The following AUP1 variants were observed in gnomAD, a reference collection of about 807,000 sequenced individuals.
AUP1 encodes the protein lipid droplet-regulating VLDL assembly factor AUP1.
In AUP1, 30 loss-of-function variants were observed where a neutral mutation model predicts 51.8. That is an observed-to-expected ratio of 0.58 (90% confidence interval 0.43 to 0.79). AUP1 has a LOEUF of 0.79. Among genes scored for constraint, AUP1 ranks in the 30% least tolerant of loss-of-function variants. The pLI, the probability that AUP1 is intolerant of heterozygous loss-of-function variation, is 0.00. For missense variants in AUP1, 492 were observed against 517.1 expected, an observed-to-expected ratio of 0.95 and a Z score of 0.47; for synonymous variants, 227 against 209.0, an observed-to-expected ratio of 1.09 and a Z score of -0.74.
intron 7 of AUP1, 51 bp from the exon 8 acceptor site, chr2:74,527,889 T>A: frequency 6.2e-7 from 1 of 1,613,556 alleles, no homozygotes; most frequent in Non-Finnish European, 8.5e-7. Context: ...CTTTCCTCCC[T>A]CTCCTCCTAA....
Position 74,529,242 on chromosome 2 carries a change from C to A in AUP1, c.229G>T (p.Ala77Ser). Residue 77 changes from alanine to serine, a missense_variant, in exon 3 of 12, where the codon GCC becomes TCC. Physicochemically the swap from Ala to Ser is moderately conservative, Grantham distance 99 (BLOSUM62 1). Transcript: ENST00000377526. ...CGGAGTCCGGAGTCCTCCTGCCGGGCCACGAGCCCTAGCACCGCACACATG... is the reference window on the plus strand; with the variant it reads ...CGGAGTCCGGAGTCCTCCTGCCGGGACACGAGCCCTAGCACCGCACACATG... ...RTMCAVLGLV[A>S]RQEDSGLRDH... 1.2e-6 allele frequency: 2 copies of A among 1,614,212 alleles called. No homozygotes were observed. The highest frequency in any genetic ancestry group is 2.2e-5 in the South Asian group (2 of 91,080).
rs370173846 is a variant in AUP1, at chr2:74,529,456, C to A, written c.94G>T (p.Ala32Ser). The change falls in exon 2 of 12, where the codon GCG (alanine) becomes TCG (serine). Residue 32 changes from alanine to serine, a missense_variant. By Grantham distance (99) the Ala-to-Ser change is moderately conservative. Transcript: ENST00000377526. ...CFLLLVLLLYAPVGFCLLVLR... is the reference protein window; with the variant it reads ...CFLLLVLLLYSPVGFCLLVLR... ...ACGAGGAGGCAGAACCCGACTGGCG[C>A]GTAGAGCAGCAGCACGAGCAGTAGG... 1.1e-4 allele frequency: 174 copies of A among 1,564,938 alleles called. No homozygotes were observed. Among genetic ancestry groups the A allele is most frequent in the Middle Eastern group, 3.3e-4 (2 of 6,006 alleles).
chr2:74,528,532 T>C, intron 4 of AUP1, 43 bp from the exon 5 acceptor site: 1 of 1,553,000 alleles, frequency 6.4e-7, no homozygotes, highest in Non-Finnish European at 8.9e-7. Context: ...CCAGCCAGCC[T>C]AGTCAGCAGC....
chr2:74,528,979 A>C, intron 3 of AUP1, 44 bp from the exon 4 acceptor site: 1 of 1,585,222 alleles, frequency 6.3e-7, no homozygotes, highest in Non-Finnish European at 8.5e-7. Flanking sequence ...AATATTGAGG[A>C]AAATGAAAAA....
rs528150690 is a variant in AUP1, at chr2:74,528,932, G to C, written c.343C>G (p.Leu115Val). 3.2e-5 allele frequency: 52 copies of C among 1,613,922 alleles called. No individual in the cohort carries two copies. The highest frequency in any genetic ancestry group is 4.2e-5 in the Non-Finnish European group (50 of 1,180,032). The change falls in exon 4 of 12, where the codon CTA becomes GTA. Residue 115 changes from leucine to valine, a missense_variant. Physicochemically the swap from Leu to Val is conservative, Grantham distance 32 (BLOSUM62 1). Coordinates refer to ENST00000377526, the MANE Select transcript of AUP1 (RefSeq NM_181575.5). ...ACAAAGCTGGGGGGACTATTGAGTA[G>C]AGGCTGGGAACCAGGAGAAGAGAAA... ...VNLLTTCSTP[L>V]LNSPPSFVCW...
rs1413813633 is a variant in AUP1 at position 74,528,938 on chromosome 2, G to A, written c.340-3C>T. On this transcript the variant is annotated splice_polypyrimidine_tract_variant and splice_region_variant and intron_variant, in intron 3 of 11. Coordinates refer to ENST00000377526, the MANE Select transcript of AUP1 (RefSeq NM_181575.5). ...CTGGGGGGACTATTGAGTAGAGGCT[G>A]GGAACCAGGAGAAGAGAAAGCAAGA... The A allele has an allele frequency of 1.2e-6, 2 of 1,614,026 alleles. No homozygotes were observed. The highest frequency in any genetic ancestry group is 1.1e-5 in the South Asian group (1 of 91,066).
intron 10 of AUP1, 56 bp from the exon 11 acceptor site, chr2:74,527,115 C>T (rs772405822): frequency 8.7e-6 from 14 of 1,613,008 alleles, no homozygotes; most frequent in African/African-American, 5.3e-5. Flanking sequence ...AAACACGCAT[C>T]GAATGCCTAC....
In AUP1 at chr2:74,529,225, G is replaced by C. The variant is rs1017400756; in HGVS notation, c.246C>G (p.Ser82=). Residue 82 remains serine, a synonymous_variant, in exon 3 of 12, where the codon TCC becomes TCG. Transcript: ENST00000377526. ...VLGLVARQED[S]GLRDHSVRVL... The stretch of plus-strand genomic sequence containing the variant: ...CCCTGACACTGTGATCCCGGAGTCC[G>C]GAGTCCTCCTGCCGGGCCACGAGCC... 6.2e-7 allele frequency: 1 copy of C among 1,614,078 alleles called. No homozygotes were observed. Among genetic ancestry groups the C allele is most frequent in the African/African-American group, 1.3e-5 (1 of 74,932 alleles).
In AUP1 at chr2:74,529,215, C is replaced by CCCGGAGT; in HGVS notation, c.249_255dup (p.Asp86ThrfsTer29). On this transcript the variant is annotated frameshift_variant, in exon 3 of 12. Coordinates refer to ENST00000377526, the MANE Select transcript of AUP1 (RefSeq NM_181575.5). LOFTEE classifies it high-confidence loss of function. Reference sequence around the variant, plus strand: ...GAAATGAGGACCCTGACACTGTGATCCCGGAGTCCGGAGTCCTCCTGCCGG... The same window carrying CCCGGAGT: ...GAAATGAGGACCCTGACACTGTGATCCCGGAGTCCGGAGTCCGGAGTCCTCCTGCCGG... 6.2e-7 allele frequency: 1 copy of CCCGGAGT among 1,614,234 alleles called. No individual in the cohort carries two copies. Among genetic ancestry groups the CCCGGAGT allele is most frequent in the Non-Finnish European group, 8.5e-7 (1 of 1,180,040 alleles).
At chr2:74,528,381 C>T (rs752676022) in intron 5 of AUP1, 36 bp downstream of exon 5, 1 of 1,612,098 alleles carries the variant, frequency 6.2e-7, no homozygotes, top group African/African-American at 1.3e-5. Flanking sequence ...ATTTCCCCTT[C>T]AAGCCCCAGA....
chr2:74,529,008 T>A (rs1439645165), intron 3 of AUP1, 73 bp from the exon 4 acceptor site: 1 of 1,601,694 alleles, frequency 6.2e-7, no homozygotes, highest in Non-Finnish European at 8.5e-7. Flanking sequence ...ACATGTTGGG[T>A]AGAGGATCGG....
Position 74,529,700 on chromosome 2 carries a change from G to A in AUP1, c.-71C>T. Reference sequence around the variant, plus strand: ...TCGCGCCCGGCCGCAGGGGCTCTTGGGAAGGCGGAGTCTTTGGGCATCCGC... The same window carrying A: ...TCGCGCCCGGCCGCAGGGGCTCTTGAGAAGGCGGAGTCTTTGGGCATCCGC... On this transcript the variant is annotated 5_prime_UTR_variant, in exon 1 of 12. Transcript: ENST00000377526. 1 of 1,536,526 alleles carries A rather than the reference G, an allele frequency of 6.5e-7. No homozygotes were observed. Among genetic ancestry groups the A allele is most frequent in the Non-Finnish European group, 8.7e-7 (1 of 1,145,998 alleles).
In AUP1 at chr2:74,527,515, T is replaced by G. The variant is rs756641405; in HGVS notation, c.917A>C (p.Glu306Ala). Residue 306 changes from glutamate to alanine, a missense_variant, in exon 9 of 12, where the codon GAA (glutamate) becomes GCA (alanine). Glu to Ala is a moderately radical substitution (Grantham distance 107, BLOSUM62 -1). Coordinates refer to ENST00000377526, the MANE Select transcript of AUP1 (RefSeq NM_181575.5). ...QLATLAQRVK[E>A]VLPHVPLGVI... ...ACCCAATGGCACATGGGGCAAAACT[T>G]CCTTGACTCTCTGAGCCAGAGTTGC... The G allele has an allele frequency of 6.2e-7, 1 of 1,613,858 alleles. No individual in the cohort carries two copies. Among genetic ancestry groups the G allele is most frequent in the South Asian group, 1.1e-5 (1 of 91,050 alleles).
rs757101193 is a variant in AUP1, at chr2:74,529,117, C to T, written c.339+15G>A. 2.5e-6 allele frequency: 4 copies of T among 1,614,096 alleles called. No individual in the cohort carries two copies. Among genetic ancestry groups the T allele is most frequent in the Admixed American group, 3.3e-5 (2 of 60,012 alleles). On this transcript the variant is annotated intron_variant, in intron 3 of 11. Transcript: ENST00000377526. ...GGAACCGCCCCGTGGCGCTCTCGGC[C>T]TCGCTCTCACTCACGGTGCTACAGG...
At chr2:74,529,327 C>A (rs180981125) in intron 2 of AUP1, 35 bp downstream of exon 2, 1 of 1,613,664 alleles carries the variant, frequency 6.2e-7, no homozygotes, top group South Asian at 1.1e-5. Flanking sequence ...GGGCCAGACC[C>A]AGCTCTGACA....
At position 74,527,519 on chromosome 2, in the gene AUP1, T is replaced by G; in HGVS notation, c.913A>C (p.Lys305Gln). The G allele has an allele frequency of 6.2e-7, 1 of 1,613,924 alleles. No individual in the cohort carries two copies. ...VQLATLAQRV[K>Q]EVLPHVPLGV... Reference sequence around the variant, plus strand: ...AATGGCACATGGGGCAAAACTTCCTTGACTCTCTGAGCCAGAGTTGCCAGT... The same window carrying G: ...AATGGCACATGGGGCAAAACTTCCTGGACTCTCTGAGCCAGAGTTGCCAGT... The change falls in exon 9 of 12, where the codon AAG becomes CAG. Residue 305 changes from lysine (K) to glutamine (Q), a missense_variant. By Grantham distance (53) the Lys-to-Gln change is moderately conservative. Coordinates refer to ENST00000377526, the MANE Select transcript of AUP1 (RefSeq NM_181575.5).
In AUP1 at chr2:74,527,526, C is replaced by T; in HGVS notation, c.906G>A (p.Gln302=). ...CATGGGGCAAAACTTCCTTGACTCT[C>T]TGAGCCAGAGTTGCCAGTTGCACAT... ...SPDVQLATLA[Q]RVKEVLPHVP... Residue 302 remains glutamine (Q), a synonymous_variant, in exon 9 of 12, where the codon CAG becomes CAA. Transcript: ENST00000377526. 2 of 1,614,014 alleles carry T rather than the reference C, an allele frequency of 1.2e-6. No homozygotes were observed. The highest frequency in any genetic ancestry group is 1.7e-6 in the Non-Finnish European group (2 of 1,179,992).
rs778634122 is a variant in AUP1, at chr2:74,528,947, G to C, written c.340-12C>G. On this transcript the variant is annotated splice_polypyrimidine_tract_variant and intron_variant, in intron 3 of 11. Transcript: ENST00000377526. Reference sequence around the variant, plus strand: ...CTATTGAGTAGAGGCTGGGAACCAGGAGAAGAGAAAGCAAGAAGAAAAATA... The same window carrying C: ...CTATTGAGTAGAGGCTGGGAACCAGCAGAAGAGAAAGCAAGAAGAAAAATA... 1 of 1,613,296 alleles carries C rather than the reference G, an allele frequency of 6.2e-7. No individual in the cohort carries two copies.
chr2:74,526,804 T>G lies in AUP1; in HGVS notation c.1229A>C (p.Asp410Ala). The G allele has an allele frequency of 6.5e-7, 1 of 1,539,842 alleles. No individual in the cohort carries two copies. Among genetic ancestry groups the G allele is most frequent in the South Asian group, 1.3e-5 (1 of 78,508 alleles). The stretch of plus-strand genomic sequence containing the variant: ...TGCCATCCTGTTCCTTTGAGCTCAG[T>G]CAGCCTCCTGGGCTCGTCTCTCTGT... Reference protein sequence around the residue: ...RFTERRAQEAD With the variant: ...RFTERRAQEAA Residue 410 changes from aspartate (D) to alanine (A), a missense_variant, in exon 12 of 12, where the codon GAC becomes GCC. Coordinates refer to ENST00000377526, the MANE Select transcript of AUP1 (RefSeq NM_181575.5).
Sources: gnomAD v4.1 joint callset for allele counts on GRCh38, gnomAD v4.1.1 for gene constraint, MANE v1.5 for transcripts, NCBI Gene and HGNC (gene_info 2026-07-23, HGNC 2026-07-21) for gene names.